Variants in NAGPA observed in about 807,000 individuals in gnomAD.
The protein encoded by NAGPA is N-acetylglucosamine-1-phosphodiester alpha-N-acetylglucosaminidase.
Under a neutral mutation model 48.5 loss-of-function variants are expected in NAGPA, and 56 were observed. The ratio of observed to expected loss-of-function variants is 1.15; its 90% CI spans 0.93 to 1.44. NAGPA has a LOEUF of 1.44. NAGPA is among the 40% of genes most tolerant of loss of function. The pLI, the probability that NAGPA is intolerant of heterozygous loss-of-function variation, is 0.00. For synonymous variants in NAGPA, 399 were observed against 315.5 expected (o/e 1.26, Z -2.81); for missense variants, 888 against 735.0 (o/e 1.21, Z -2.41).
intron 3 of NAGPA, chr16:5,031,516 A>C: frequency 1.7e-6 from 1 of 576,166 alleles, no homozygotes. Context: ...CCCTAACTTT[A>C]TTTTTGTTTC....
At chr16:5,030,719 C>A in intron 3 of NAGPA, 4 of 598,618 alleles carry the variant, frequency 6.7e-6, no homozygotes, top group Non-Finnish European at 1.2e-5. Context: ...GGTGAAGACC[C>A]TCTAATGGTT....
Position 5,033,079 on chromosome 16 carries a change from ATTGCCTG to A in NAGPA, c.542+187_542+193del. 1.5e-6 allele frequency: 1 copy of A among 684,220 alleles called. No homozygotes were observed. The highest frequency in any genetic ancestry group is 2.5e-6 in the Non-Finnish European group (1 of 405,542). 42.4% of individuals were successfully genotyped at this position (684,220 alleles called of 1,614,324 possible). Reference sequence around the variant, plus strand: ...CGGCTATCTCACCGGGGCGCGGCACATTGCCTGATACAAGCAAGTGCTCAATGATACT... The same window carrying A: ...CGGCTATCTCACCGGGGCGCGGCACAATACAAGCAAGTGCTCAATGATACT... On this transcript the variant is annotated intron_variant, in intron 2 of 9. Coordinates refer to ENST00000312251, the MANE Select transcript of NAGPA (RefSeq NM_016256.4). The surrounding 1 kb of genome is among the most constrained non-coding windows in gnomAD (Gnocchi z 4.2).
Position 5,033,852 on chromosome 16 carries a change from T to C in NAGPA, c.63A>G (p.Glu21=), listed in dbSNP as rs1358797808. Residue 21 remains glutamate (E), a synonymous_variant, in exon 1 of 10, where the codon GAA becomes GAG. Transcript: ENST00000312251. This position sits in a 1 kb window ranked among gnomAD's most constrained non-coding sequence, Gnocchi z 4.2. ...LRLALFGFLW[E]ASGGLDSGAS... ...ACCCCGAGTCGAGGCCGCCGGACGC[T>C]TCCCAGAGGAAGCCGAATAGTGCAA... is the stretch of plus-strand genomic sequence containing the variant. 1.9e-6 allele frequency: 3 copies of C among 1,549,642 alleles called. No homozygotes were observed. The highest frequency in any genetic ancestry group is 2.0e-5 in the Admixed American group (1 of 51,006).
At chr16:5,027,732 G>T (rs1335251889) in intron 7 of NAGPA, 114 bp downstream of exon 7, 1 of 1,452,900 alleles carries the variant, frequency 6.9e-7, no homozygotes, top group Non-Finnish European at 9.4e-7. Flanking sequence ...CGGGGCAGAA[G>T]ACAAGAGGCA....
chr16:5,030,306 G>C, intron 4 of NAGPA, 79 bp downstream of exon 4: 1 of 1,316,926 alleles, frequency 7.6e-7, no homozygotes, highest in Non-Finnish European at 1.1e-6. Context: ...GGTAGAGTCA[G>C]AGGGTGGCTG....
In NAGPA at chr16:5,033,886, A is replaced by C. The variant is rs1374214459; in HGVS notation, c.29T>G (p.Leu10Arg). 3.9e-6 allele frequency: 6 copies of C among 1,549,206 alleles called. No individual in the cohort carries two copies. The South Asian group carries it at 7.1e-5, about 18-fold the overall frequency. The change falls in exon 1 of 10, where the codon CTC becomes CGC. Residue 10 changes from leucine (L) to arginine (R), a missense_variant. Coordinates refer to ENST00000312251, the MANE Select transcript of NAGPA (RefSeq NM_016256.4). This position sits in a 1 kb window ranked among gnomAD's most constrained non-coding sequence, Gnocchi z 4.2. MATSTGRWLLLRLALFGFLW... is the reference protein window; with the variant it reads MATSTGRWLRLRLALFGFLW... ...GAAGCCGAATAGTGCAAGCCGGAGG[A>C]GAAGCCAGCGACCCGTGGAGGTCGC...
chr16:5,027,988 C>T lies in NAGPA; in HGVS notation c.1118G>A (p.Cys373Tyr), dbSNP rs1303028774. ...CCAGAACCCCCACTCACTCTCCGTGCACAGTCCGTGCTGGCTGCAGTTAGA... is the reference window on the plus strand; with the variant it reads ...CCAGAACCCCCACTCACTCTCCGTGTACAGTCCGTGCTGGCTGCAGTTAGA... ...GPSNCSQHGLCTETGCRCDAG... is the reference protein window; with the variant it reads ...GPSNCSQHGLYTETGCRCDAG... Residue 373 changes from cysteine to tyrosine, a missense_variant, in exon 6 of 10, where the codon TGC becomes TAC. By Grantham distance (194) the Cys-to-Tyr change is radical (BLOSUM62 -2). Transcript: ENST00000312251. 15 of 1,613,774 alleles carry T rather than the reference C, an allele frequency of 9.3e-6. No individual in the cohort carries two copies. The highest frequency in any genetic ancestry group is 1.2e-5 in the Non-Finnish European group (14 of 1,179,868).
rs750629316 is a variant in NAGPA, at chr16:5,031,830, C to A, written c.597G>T (p.Leu199=). 33 of 1,614,086 alleles carry A rather than the reference C, an allele frequency of 2.0e-5. No homozygotes were observed. The South Asian group carries it at 3.4e-4, about 17-fold the overall frequency. Residue 199 remains leucine, a synonymous_variant, in exon 3 of 10, where the codon CTG becomes CTT. Coordinates refer to ENST00000312251, the MANE Select transcript of NAGPA (RefSeq NM_016256.4). The part of the protein sequence containing the change: ...LDTENPFVQL[L]SGVVWLIRNG... ...TACGAATCAGCCACACGACCCCACT[C>A]AGCAGCTGCACAAATGGGTTCTCAG... is the stretch of plus-strand genomic sequence containing the variant.
At chr16:5,031,573 T>A in intron 3 of NAGPA, 172 bp downstream of exon 3, 1 of 834,774 alleles carries the variant, frequency 1.2e-6, no homozygotes, top group Non-Finnish European at 2.0e-6. Context: ...CTATTTTTTG[T>A]CCTATATATT....
chr16:5,026,611 T>C (rs1292381763), intron 9 of NAGPA, among the ~76,000 whole-genome samples: 3 of 152,176 alleles, frequency 2.0e-5, no homozygotes, highest in African/African-American at 4.8e-5. Context: ...TTAAAAATTA[T>C]GTAAGCCAAA....
In NAGPA at chr16:5,030,506, C is replaced by G. The variant is rs757461922; in HGVS notation, c.683-13G>C. On this transcript the variant is annotated splice_polypyrimidine_tract_variant and intron_variant, in intron 3 of 9. Transcript: ENST00000312251. ...TTGCTAAAGGAACCTGAAGGAAAAG[C>G]AGCCTGGCTGATCACCGCCCCTTGG... 1 of 1,549,808 alleles carries G rather than the reference C, an allele frequency of 6.5e-7. No individual in the cohort carries two copies. The highest frequency in any genetic ancestry group is 1.2e-5 in the South Asian group (1 of 84,028).
At position 5,026,317 on chromosome 16, in the gene NAGPA, G is replaced by A. The variant is rs532021739; in HGVS notation, c.1341-632C>T. ...TCCCAGCACTTTGTGAGGCTTAGGC[G>A]GGCGTATCACTTGAGGTCAGGAGTT... On this transcript the variant is annotated intron_variant, in intron 9 of 9. Coordinates refer to ENST00000312251, the MANE Select transcript of NAGPA (RefSeq NM_016256.4). Among the ~76,000 whole-genome samples, 27 of 150,876 alleles carry A rather than the reference G, an allele frequency of 1.8e-4. 1 individual carries two copies. The highest frequency in any genetic ancestry group is 6.1e-4 in the African/African-American group (25 of 41,084).
In NAGPA at chr16:5,031,852, T is replaced by G. The variant is rs748777017; in HGVS notation, c.575A>C (p.Glu192Ala). 1.2e-6 allele frequency: 2 copies of G among 1,614,174 alleles called. No homozygotes were observed. The highest frequency in any genetic ancestry group is 2.2e-5 in the South Asian group (2 of 91,078). Residue 192 changes from glutamate (E) to alanine (A), a missense_variant, in exon 3 of 10, where the codon GAG (glutamate) becomes GCG (alanine). Coordinates refer to ENST00000312251, the MANE Select transcript of NAGPA (RefSeq NM_016256.4). ...YLSEEEVLDT[E>A]NPFVQLLSGV... ...ACTCAGCAGCTGCACAAATGGGTTC[T>G]CAGTGTCCAGCACCTCCTCCTCAGA... is the stretch of plus-strand genomic sequence containing the variant.
rs745596072 is a variant in NAGPA, at chr16:5,030,361, G to A, written c.791+24C>T. ...CCTAGCAGGACTGAGCCCCGGCCGG[G>A]GGGCCTCAGCTCCCAGGACTCACCC... is the stretch of plus-strand genomic sequence containing the variant. On this transcript the variant is annotated intron_variant, in intron 4 of 9. Transcript: ENST00000312251. 1.7e-5 allele frequency: 26 copies of A among 1,546,814 alleles called. No homozygotes were observed. In the African/African-American group the frequency reaches 2.3e-4, roughly 14 times the overall value.
intron 9 of NAGPA, among the ~76,000 whole-genome samples, chr16:5,026,906 T>C (rs918595905): frequency 6.6e-6 from 1 of 152,140 alleles, no homozygotes; most frequent in African/African-American, 2.4e-5. Context: ...CTAGCCCAGT[T>C]TGCATTCTGA....
chr16:5,033,144 C>T lies in NAGPA; in HGVS notation c.542+129G>A. The stretch of plus-strand genomic sequence containing the variant: ...GAATAAACTCTGCAAGGAAGCGATT[C>T]CTATCCCCATTCTGCAGAGGAGGAA... On this transcript the variant is annotated intron_variant, in intron 2 of 9. Transcript: ENST00000312251. This position sits in a 1 kb window ranked among gnomAD's most constrained non-coding sequence, Gnocchi z 4.2. The T allele has an allele frequency of 9.1e-7, 1 of 1,101,632 alleles. No individual in the cohort carries two copies. Among genetic ancestry groups the T allele is most frequent in the Non-Finnish European group, 1.3e-6 (1 of 759,776 alleles). 68.2% of individuals were successfully genotyped at this position (1,101,632 alleles called of 1,614,324 possible). A position where few individuals can be genotyped will look rare whatever the true frequency, so the allele number is the denominator to read the frequency against.
At chr16:5,029,150 C>G (rs1956058846) in intron 4 of NAGPA, 142 bp from the exon 5 acceptor site, 1 of 1,397,810 alleles carries the variant, frequency 7.2e-7, no homozygotes, top group Non-Finnish European at 9.9e-7. Flanking sequence ...ATGTCTCATC[C>G]TAGCCCCCGG....
At chr16:5,027,702 C>G in intron 7 of NAGPA, 144 bp downstream of exon 7, 4 of 1,253,446 alleles carry the variant, frequency 3.2e-6, no homozygotes, top group Non-Finnish European at 4.5e-6. Context: ...GGGAGTCACA[C>G]AGTGATGTGC....
chr16:5,032,195 C>A, intron 2 of NAGPA, among the ~76,000 whole-genome samples: 1 of 152,150 alleles, frequency 6.6e-6, no homozygotes, highest in African/African-American at 2.4e-5. Context: ...CAGGCCATAC[C>A]CAGCCCAACT....
Sources: allele counts gnomAD v4.1 joint callset (sites outside exome capture counted in the v4.1 genomes callset), GRCh38; gene constraint gnomAD v4.1.1; non-coding constraint Gnocchi (gnomAD v3.1); transcripts MANE v1.5; gene names NCBI Gene and HGNC (gene_info 2026-07-23, HGNC 2026-07-21).